CECR2: variants seen among roughly 807,000 people sequenced by gnomAD.
CECR2 encodes CECR2 histone acetyl-lysine reader.
In CECR2, 30 loss-of-function variants were observed where a neutral mutation model predicts 154.5. That is an observed-to-expected ratio of 0.19 (90% CI 0.15 to 0.26). CECR2 has a LOEUF of 0.26. CECR2 is among the 10% of genes least tolerant of loss of function. The pLI is 1.00. For missense variants in CECR2, 1,743 were observed against 1,829.3 expected, an observed-to-expected ratio of 0.95 and a Z score of 0.86; for synonymous variants, 725 against 683.7, an observed-to-expected ratio of 1.06 and a Z score of -0.94.
upstream of CECR2, among the ~76,000 whole-genome samples, chr22:17,364,936 G>A (rs2062993946): frequency 6.6e-6 from 1 of 152,100 alleles, no homozygotes; most frequent in Non-Finnish European, 1.5e-5. Flanking sequence ...GTTAGATTTG[G>A]ATGCTTGGCT....
rs935544752 is a variant in CECR2, at chr22:17,459,016, A to G, written c.127-18572A>G. On this transcript the variant is annotated intron_variant, in intron 1 of 18. Coordinates refer to ENST00000262608, the MANE Select transcript of CECR2 (RefSeq NM_001290047.2). ...GTCTACATCAGTTTGAGAAGAAAGC[A>G]ACTTATACTTGGAAAAAGTAAAAGC... Among the ~76,000 whole-genome samples the G allele has an allele frequency of 2.6e-5, 4 of 152,348 alleles. No homozygotes were observed. In the East Asian group the frequency reaches 5.8e-4, roughly 22 times the overall value.
intron 7 of CECR2, among the ~76,000 whole-genome samples, chr22:17,508,653 G>C (rs1180676302): frequency 1.3e-5 from 2 of 151,984 alleles, no homozygotes; most frequent in Non-Finnish European, 2.9e-5. Context: ...GTTGTAGTAG[G>C]CTATACCATC....
At chr22:17,425,889 A>G (rs949675629) in intron 1 of CECR2, among the ~76,000 whole-genome samples, 2 of 152,254 alleles carry the variant, frequency 1.3e-5, no homozygotes, top group Admixed American at 6.5e-5. Context: ...TAAGATCTAC[A>G]GAAATTGGTG....
chr22:17,542,674 G>A lies in CECR2; in HGVS notation c.2531G>A (p.Cys844Tyr). The A allele has an allele frequency of 3.7e-6, 6 of 1,613,996 alleles. No individual in the cohort carries two copies. Among genetic ancestry groups the A allele is most frequent in the Non-Finnish European group, 5.1e-6 (6 of 1,179,896 alleles). Residue 844 changes from cysteine to tyrosine, a missense_variant, in exon 16 of 19, where the codon TGC becomes TAC. By Grantham distance (194) the Cys-to-Tyr change is radical. Transcript: ENST00000262608. ...VPSSGYMRPP[C>Y]KSAGHRLQPP... ...TCCTCAGGGTACATGCGACCGCCCT[G>A]CAAGTCTGCCGGACATCGGTTACAG... is the stretch of plus-strand genomic sequence containing the variant.
intron 1 of CECR2, among the ~76,000 whole-genome samples, chr22:17,471,159 C>T (rs1215777591): frequency 6.6e-6 from 1 of 152,166 alleles, no homozygotes; most frequent in East Asian, 1.9e-4. Context: ...CATTTTTACC[C>T]TGTGGCTTTT....
intron 14 of CECR2, 53 bp downstream of exon 14, chr22:17,540,853 G>A: frequency 1.3e-6 from 2 of 1,486,472 alleles, no homozygotes; most frequent in Non-Finnish European, 1.8e-6. Flanking sequence ...TGAGTTCATA[G>A]TAATGTAGAG....
chr22:17,513,735 T>C (rs759984403), intron 8 of CECR2, among the ~76,000 whole-genome samples: 1 of 152,208 alleles, frequency 6.6e-6, no homozygotes, highest in Non-Finnish European at 1.5e-5. Flanking sequence ...TGTTGGGCTC[T>C]CTCTGCTGTC....
chr22:17,442,068 C>T (rs1177703408), intron 1 of CECR2, among the ~76,000 whole-genome samples: 1 of 152,162 alleles, frequency 6.6e-6, no homozygotes, highest in East Asian at 1.9e-4. Context: ...TGAAATTATA[C>T]AAAGTTGGGA....
intron 7 of CECR2, among the ~76,000 whole-genome samples, chr22:17,507,016 A>T (rs2055860016): frequency 6.6e-6 from 1 of 152,192 alleles, no homozygotes; most frequent in African/African-American, 2.4e-5. Context: ...CATATCGATA[A>T]TAATATTTCT....
intron 1 of CECR2, among the ~76,000 whole-genome samples, chr22:17,463,104 C>T (rs1439709234): frequency 6.6e-6 from 1 of 152,108 alleles, no homozygotes; most frequent in African/African-American, 2.4e-5. Context: ...GTGACTGGAC[C>T]TATAGAAAGT....
rs1318662954 is a variant in CECR2, at chr22:17,364,293, A to C, written c.-364+4270A>C. Among the ~76,000 whole-genome samples, 7 of 132,468 alleles carry C rather than the reference A, an allele frequency of 5.3e-5. No homozygotes were observed. The Admixed American group carries it at 5.9e-4, about 11-fold the overall frequency. 86.9% of individuals were successfully genotyped at this position (132,468 alleles called of 152,430 possible). On this transcript the variant is annotated intron_variant, in intron 1 of 18. Transcript: ENST00000400585. ...GGGAGGCGGAGCTTGCAGTGAGCTGAGATCACGCCACTGCTCTCTAGCCTG... is the reference window on the plus strand; with the variant it reads ...GGGAGGCGGAGCTTGCAGTGAGCTGCGATCACGCCACTGCTCTCTAGCCTG...
At chr22:17,486,399 C>T (rs968875981) in intron 2 of CECR2, among the ~76,000 whole-genome samples, 8 of 152,152 alleles carry the variant, frequency 5.3e-5, no homozygotes, top group African/African-American at 1.9e-4. Context: ...GGCTGGACTC[C>T]GAGGAGGCCC....
chr22:17,407,588 CTG>C, intron 1 of CECR2, among the ~76,000 whole-genome samples: 1 of 150,530 alleles, frequency 6.6e-6, no homozygotes, highest in Non-Finnish European at 1.5e-5. Flanking sequence ...GAGTGAGACT[CTG>C]TCTCAAAAAA....
chr22:17,504,465 C>T (rs934749209), intron 6 of CECR2, among the ~76,000 whole-genome samples: 8 of 149,162 alleles, frequency 5.4e-5, no homozygotes, highest in African/African-American at 2.0e-4. Context: ...GAGACGGAGT[C>T]TCACTCTGTC....
intron 9 of CECR2, among the ~76,000 whole-genome samples, chr22:17,533,248 AGGCAGAGGTTGCAGT>A (rs977965071): frequency 4.0e-5 from 6 of 151,206 alleles, no homozygotes; most frequent in Non-Finnish European, 8.8e-5. Flanking sequence ...TGTACCCAGG[AGGCAGAGGTTGCAGT>A]GTGTTAACAT....
chr22:17,386,349 A>T (rs1378758674), intron 1 of CECR2, among the ~76,000 whole-genome samples: 2 of 151,426 alleles, frequency 1.3e-5, no homozygotes, highest in Non-Finnish European at 3.0e-5. Flanking sequence ...CATGGTGAGA[A>T]AGGAAGGGCG....
chr22:17,417,004 CAACATT>C (rs1258768177), intron 1 of CECR2, among the ~76,000 whole-genome samples: 1 of 147,892 alleles, frequency 6.8e-6, no homozygotes, highest in Non-Finnish European at 1.5e-5. Context: ...TATATCACAT[CAACATT>C]GTCAGATTCT....
intron 1 of CECR2, among the ~76,000 whole-genome samples, chr22:17,386,755 A>T (rs1345986217): frequency 4.6e-5 from 7 of 150,956 alleles, no homozygotes; most frequent in African/African-American, 1.7e-4. Context: ...GGTTCAAGCC[A>T]TTGCCCTGTC....
At chr22:17,458,641 AT>A (rs2054890773) in intron 1 of CECR2, among the ~76,000 whole-genome samples, 1 of 152,080 alleles carries the variant, frequency 6.6e-6, no homozygotes, top group Non-Finnish European at 1.5e-5. Flanking sequence ...AAAAAGTGTT[AT>A]TTTTTAAAAC....
Sources: gnomAD v4.1 joint callset for allele counts (sites outside exome capture counted in the v4.1 genomes callset) on GRCh38, gnomAD v4.1.1 for gene constraint, MANE v1.5 for transcripts, NCBI Gene and HGNC (gene_info 2026-07-23, HGNC 2026-07-21) for gene names.